RNF38: variants seen among roughly 807,000 people sequenced by gnomAD.
RNF38 encodes E3 ubiquitin-protein ligase RNF38.
Under a neutral mutation model 67.2 loss-of-function variants are expected in RNF38, and 15 were observed. That is an observed-to-expected ratio of 0.22 (90% CI 0.15 to 0.34). The LOEUF (loss-of-function observed/expected upper bound fraction) is 0.34, where lower values mean the gene tolerates loss of function less well. Among genes scored for constraint, RNF38 ranks in the 10% least tolerant of loss-of-function variants. The pLI is 1.00. For synonymous variants in RNF38, 220 were observed against 218.8 expected (o/e 1.01, Z -0.05); for missense variants, 524 against 639.9 (o/e 0.82, Z 1.95).
At chr9:36,390,649 G>A in intron 1 of RNF38, 33 bp from the exon 2 acceptor site, 1 of 1,610,168 alleles carries the variant, frequency 6.2e-7, no homozygotes, top group Non-Finnish European at 8.5e-7. Context: ...GATAGTTCAT[G>A]GCTAGCTGCA....
chr9:36,395,339 T>C (rs930394515), intron 1 of RNF38, among the ~76,000 whole-genome samples: 8 of 152,082 alleles, frequency 5.3e-5, no homozygotes, highest in Non-Finnish European at 8.8e-5. Context: ...TTTTTTTTTT[T>C]CTCCAGTAAA....
At chr9:36,470,871 T>C (rs1406201428) in intron 1 of RNF38, among the ~76,000 whole-genome samples, 3 of 152,118 alleles carry the variant, frequency 2.0e-5, no homozygotes, top group Admixed American at 6.6e-5. Context: ...CAAAGACTCA[T>C]AGATTTTATT....
chr9:36,408,615 A>T (rs1838241566), intron 2 of RNF38, among the ~76,000 whole-genome samples: 1 of 152,168 alleles, frequency 6.6e-6, no homozygotes, highest in African/African-American at 2.4e-5. Flanking sequence ...AGCTGGGCCT[A>T]AACTTGAGCC....
intron 1 of RNF38, among the ~76,000 whole-genome samples, chr9:36,432,653 C>T (rs1305509996): frequency 1.3e-5 from 2 of 151,836 alleles, no homozygotes; most frequent in Non-Finnish European, 2.9e-5. Flanking sequence ...ATTAGCTGGG[C>T]GTGGTGGTGG....
At chr9:36,424,651 T>G (rs113829218) in exon 2 of RNF38, 1 of 985,740 alleles carries the variant, frequency 1.0e-6, no homozygotes, top group Non-Finnish European at 1.2e-6. Flanking sequence ...TCGTGATGGA[T>G]GGACTGGCAC....
chr9:36,401,567 G>T (rs966093071), upstream of RNF38, among the ~76,000 whole-genome samples: 1 of 152,174 alleles, frequency 6.6e-6, no homozygotes, highest in Non-Finnish European at 1.5e-5. Context: ...CCTTAAGTGT[G>T]ACAGTTGCTC....
chr9:36,485,874 A>T (rs551993797), intron 1 of RNF38, among the ~76,000 whole-genome samples: 41 of 152,166 alleles, frequency 2.7e-4, no homozygotes, highest in Non-Finnish European at 5.3e-4. Context: ...CCTTAGAACA[A>T]GAGCGAGAAT....
intron 1 of RNF38, among the ~76,000 whole-genome samples, chr9:36,476,022 AAAAAG>A (rs1258511536): frequency 6.6e-6 from 1 of 151,880 alleles, no homozygotes; most frequent in Non-Finnish European, 1.5e-5. Context: ...AAAAAAAAAA[AAAAAG>A]AAAGAAATAT....
At chr9:36,379,278 AC>A (rs748546857) in intron 2 of RNF38, among the ~76,000 whole-genome samples, 3 of 152,258 alleles carry the variant, frequency 2.0e-5, no homozygotes, top group Non-Finnish European at 4.4e-5. Flanking sequence ...GTAGTTTGCT[AC>A]ATGCAATATG....
chr9:36,403,521 G>C (rs1448950161), upstream of RNF38, among the ~76,000 whole-genome samples: 2 of 152,162 alleles, frequency 1.3e-5, no homozygotes, highest in Non-Finnish European at 2.9e-5. Flanking sequence ...TGACTCTGAG[G>C]CTCCCTTTAA....
chr9:36,478,096 C>A (rs971239398), intron 1 of RNF38, among the ~76,000 whole-genome samples: 1 of 151,836 alleles, frequency 6.6e-6, no homozygotes, highest in African/African-American at 2.4e-5. Flanking sequence ...TAAAAGATTG[C>A]CAACAAGACT....
At chr9:36,397,991 C>T (rs1222713459) in intron 1 of RNF38, among the ~76,000 whole-genome samples, 1 of 152,100 alleles carries the variant, frequency 6.6e-6, no homozygotes, top group African/African-American at 2.4e-5. Flanking sequence ...ACACGGCGCA[C>T]ACACATATAA....
At chr9:36,415,014 T>C (rs1838424845) in intron 2 of RNF38, among the ~76,000 whole-genome samples, 1 of 152,206 alleles carries the variant, frequency 6.6e-6, no homozygotes, top group Non-Finnish European at 1.5e-5. Context: ...CTGATGACTG[T>C]GTGCCTAGGT....
intron 1 of RNF38, among the ~76,000 whole-genome samples, chr9:36,458,149 G>A (rs1587174320): frequency 6.6e-6 from 1 of 152,304 alleles, no homozygotes; most frequent in East Asian, 1.9e-4. Context: ...GTAATGAGAG[G>A]TGAAGCCAGC....
At chr9:36,421,289 G>C (rs531460200) in intron 2 of RNF38, among the ~76,000 whole-genome samples, 1 of 152,288 alleles carries the variant, frequency 6.6e-6, no homozygotes, top group Admixed American at 6.5e-5. Context: ...AGAAGATCTG[G>C]TCTACCCCTA....
Position 36,386,512 on chromosome 9 carries a change from G to A in RNF38, c.162+3955C>T, listed in dbSNP as rs368405347. 1.4e-4 allele frequency among the ~76,000 whole-genome samples: 22 copies of A among 152,228 alleles called. No homozygotes were observed. The East Asian group carries it at 3.3e-3, about 23-fold the overall frequency. On this transcript the variant is annotated intron_variant, in intron 2 of 11. Coordinates refer to ENST00000259605, the MANE Select transcript of RNF38 (RefSeq NM_022781.5). ...TAACTTTAGTAAATTTGTTAGAGGC[G>A]TTTGAACCAGAGTGCCTCCATACTA...
At chr9:36,371,760 T>C (rs141744853) in intron 3 of RNF38, among the ~76,000 whole-genome samples, 30 of 152,072 alleles carry the variant, frequency 2.0e-4, no homozygotes, top group Non-Finnish European at 3.4e-4. Context: ...CCTACATTAT[T>C]TCTTTTAAAT....
chr9:36,430,984 C>T (rs1274588002), intron 1 of RNF38, among the ~76,000 whole-genome samples: 1 of 152,116 alleles, frequency 6.6e-6, no homozygotes, highest in East Asian at 1.9e-4. Flanking sequence ...ACACTAACTA[C>T]CCATAGTTAA....
At chr9:36,392,996 C>G (rs547426944) in intron 1 of RNF38, among the ~76,000 whole-genome samples, 1 of 152,286 alleles carries the variant, frequency 6.6e-6, no homozygotes, top group African/African-American at 2.4e-5. Flanking sequence ...CTAAGGAGGG[C>G]TTTTGCCACT....
Sources: gnomAD v4.1 joint callset for allele counts (sites outside exome capture counted in the v4.1 genomes callset) on GRCh38, gnomAD v4.1.1 for gene constraint, MANE v1.5 for transcripts, NCBI Gene and HGNC (gene_info 2026-07-23, HGNC 2026-07-21) for gene names.